Variants in MED1 observed in about 807,000 individuals in gnomAD.
The protein encoded by MED1 is mediator of RNA polymerase II transcription subunit 1.
Under a neutral mutation model 121.3 loss-of-function variants are expected in MED1, and 17 were observed. The ratio of observed to expected loss-of-function variants is 0.14; its 90% CI spans 0.10 to 0.21. The LOEUF (loss-of-function observed/expected upper bound fraction) is 0.21, where lower values mean the gene tolerates loss of function less well. Among genes scored for constraint, MED1 ranks in the 10% least tolerant of loss-of-function variants. The pLI is 1.00. For missense variants in MED1, 1,558 were observed against 1,919.4 expected (o/e 0.81, Z 3.52); for synonymous variants, 661 against 694.4 (o/e 0.95, Z 0.76).
chr17:39,408,498 A>G lies in MED1; in HGVS notation c.3723T>C (p.Ser1241=), dbSNP rs748419185. 1.9e-6 allele frequency: 3 copies of G among 1,614,242 alleles called. No homozygotes were observed. The highest frequency in any genetic ancestry group is 1.7e-5 in the Admixed American group (1 of 60,026). The change falls in exon 17 of 17, where the codon TCT becomes TCC. Residue 1241 remains serine, a synonymous_variant. Coordinates refer to ENST00000300651, the MANE Select transcript of MED1 (RefSeq NM_004774.4). The surrounding 1 kb of genome is among the most constrained non-coding windows in gnomAD (Gnocchi z 4.7). ...GSHMSGTSSS[S]GMKSSSGLGS... Reference sequence around the variant, plus strand: ...CTAACCCTGAAGATGACTTCATGCCAGAGCTTGAACTAGTTCCAGACATAT... The same window carrying G: ...CTAACCCTGAAGATGACTTCATGCCGGAGCTTGAACTAGTTCCAGACATAT...
chr17:39,432,294 G>C (rs1239250737), intron 7 of MED1, among the ~76,000 whole-genome samples: 1 of 125,464 alleles, frequency 8.0e-6, no homozygotes, highest in Non-Finnish European at 1.6e-5. Flanking sequence ...AGTGAGCCAA[G>C]ATCATACCAC....
chr17:39,446,064 G>A (rs544568812), intron 2 of MED1, among the ~76,000 whole-genome samples: 179 of 150,894 alleles, frequency 1.2e-3, no homozygotes, highest in African/African-American at 4.0e-3. Flanking sequence ...CGCCAGGCAC[G>A]GTGGCTCACA....
chr17:39,423,324 T>C lies in MED1; in HGVS notation c.1095+3A>G, dbSNP rs771618754. On this transcript the variant is annotated splice_donor_region_variant and intron_variant, in intron 13 of 16. Coordinates refer to ENST00000300651, the MANE Select transcript of MED1 (RefSeq NM_004774.4). ...CATTCTAGCTCCCTAGGGCTTTACT[T>C]ACAGCATAAAATCTCATGTTGTGAT... 3 of 1,583,846 alleles carry C rather than the reference T, an allele frequency of 1.9e-6. No homozygotes were observed. Among genetic ancestry groups the C allele is most frequent in the East Asian group, 2.2e-5 (1 of 44,724 alleles).
chr17:39,440,769 C>G lies in MED1; in HGVS notation c.212-92G>C. 1 of 1,227,452 alleles carries G rather than the reference C, an allele frequency of 8.1e-7. No individual in the cohort carries two copies. The highest frequency in any genetic ancestry group is 1.3e-5 in the South Asian group (1 of 76,938). The allele number at this position is 1,227,452 out of a possible 1,614,324, so 76.0% of individuals were successfully genotyped here. ...ACAGAAAGATTCATCCTTCCAAAAC[C>G]GTAAACATATTCAGTAGTTCAAATG... On this transcript the variant is annotated intron_variant, in intron 3 of 16. Coordinates refer to ENST00000300651, the MANE Select transcript of MED1 (RefSeq NM_004774.4). This position sits in a 1 kb window ranked among gnomAD's most constrained non-coding sequence, Gnocchi z 4.1.
chr17:39,421,047 C>T (rs1224845219), intron 13 of MED1, among the ~76,000 whole-genome samples: 4 of 151,188 alleles, frequency 2.6e-5, no homozygotes, highest in African/African-American at 4.9e-5. Flanking sequence ...CTGCCCGCCT[C>T]GGCCTCCCAA....
rs530435627 is a variant in MED1 at position 39,450,921 on chromosome 17, C to G, written c.25+117G>C. 1.0e-5 allele frequency: 8 copies of G among 795,526 alleles called. No homozygotes were observed. The Admixed American group carries it at 1.0e-4, about 10-fold the overall frequency. The allele number at this position is 795,526 out of a possible 1,614,324, so 49.3% of individuals were successfully genotyped here. A position where few individuals can be genotyped will look rare whatever the true frequency, so the allele number is the denominator to read the frequency against. ...ACAATCTAAAACTAATACACATTCC[C>G]TCTCCTGGACTCTATGCCCCTAAAG... On this transcript the variant is annotated intron_variant, in intron 1 of 16. Transcript: ENST00000300651.
chr17:39,447,858 A>C lies in MED1; in HGVS notation c.72T>G (p.His24Gln). The C allele has an allele frequency of 6.2e-7, 1 of 1,613,888 alleles. No homozygotes were observed. Among genetic ancestry groups the C allele is most frequent in the Non-Finnish European group, 8.5e-7 (1 of 1,179,852 alleles). ...SKMSSLLERL[H>Q]AKFNQNRPWS... ...AGGGTCTATTTTGGTTAAATTTTGC[A>C]TGGAGCCGTTCCAGGAGAGAACTCA... The change falls in exon 2 of 17, where the codon CAT (histidine) becomes CAG (glutamine). Residue 24 changes from histidine (H) to glutamine (Q), a missense_variant. Around this residue, in one of 5 missense-constraint regions of MED1, gnomAD observed 443 missense variants for 532.4 expected, o/e 0.83. Transcript: ENST00000300651.
intron 6 of MED1, among the ~76,000 whole-genome samples, chr17:39,435,168 A>T (rs2048606830): frequency 6.6e-6 from 1 of 152,078 alleles, no homozygotes; most frequent in Admixed American, 6.6e-5. Context: ...ACTGTGTGTC[A>T]AAAAAAGAAA....
At position 39,410,253 on chromosome 17, in the gene MED1, A is replaced by C; in HGVS notation, c.1968T>G (p.Asp656Glu). ...GGCTGCTTCCATAAAGGGTTGAGAA[A>C]TCCTGGGCAGGATTATCTTTAAGAA... is the stretch of plus-strand genomic sequence containing the variant. ...MNLLKDNPAQ[D>E]FSTLYGSSPL... Residue 656 changes from aspartate (D) to glutamate (E), a missense_variant, in exon 17 of 17, where the codon GAT (aspartate) becomes GAG (glutamate). By Grantham distance (45) the Asp-to-Glu change is conservative. This residue lies in a region of MED1 where 793 missense variants were observed against 898.2 expected (regional missense o/e 0.88). Transcript: ENST00000300651. 1.2e-6 allele frequency: 2 copies of C among 1,613,550 alleles called. No homozygotes were observed. The highest frequency in any genetic ancestry group is 1.7e-6 in the Non-Finnish European group (2 of 1,179,930).
At position 39,409,776 on chromosome 17, in the gene MED1, A is replaced by C. The variant is rs1266606019; in HGVS notation, c.2445T>G (p.His815Gln). Residue 815 changes from histidine to glutamine, a missense_variant, in exon 17 of 17, where the codon CAT becomes CAG. By Grantham distance (24) the His-to-Gln change is conservative (BLOSUM62 0). This residue lies in a region of MED1 where 793 missense variants were observed against 898.2 expected (regional missense o/e 0.88). Coordinates refer to ENST00000300651, the MANE Select transcript of MED1 (RefSeq NM_004774.4). ...TPLRDSSSSG[H>Q]SQSTLFDSDV... Reference sequence around the variant, plus strand: ...CAGAGTCAAACAGGGTACTCTGAGAATGCCCAGAGCTTGAAGAATCTCGAA... The same window carrying C: ...CAGAGTCAAACAGGGTACTCTGAGACTGCCCAGAGCTTGAAGAATCTCGAA... 1.2e-6 allele frequency: 2 copies of C among 1,614,200 alleles called. No individual in the cohort carries two copies. Among genetic ancestry groups the C allele is most frequent in the Non-Finnish European group, 1.7e-6 (2 of 1,180,022 alleles).
chr17:39,434,896 G>C (rs12452880), intron 6 of MED1, among the ~76,000 whole-genome samples: 94,177 of 152,058 alleles, frequency 0.62, 32,306 homozygotes, highest in South Asian at 0.89. Flanking sequence ...GCCAGGCACA[G>C]TCCTCGCGCC....
At chr17:39,433,312 T>C (rs1024544101) in intron 7 of MED1, among the ~76,000 whole-genome samples, 4 of 150,244 alleles carry the variant, frequency 2.7e-5, no homozygotes, top group African/African-American at 4.9e-5. Flanking sequence ...GAGGCTGCAG[T>C]GAGCTGAGGT....
At chr17:39,414,643 T>A (rs1470386615) in intron 16 of MED1, among the ~76,000 whole-genome samples, 2 of 18,456 alleles carry the variant, frequency 1.1e-4, no homozygotes, top group Non-Finnish European at 3.3e-4. Flanking sequence ...CCTTTTTTTT[T>A]TTTTTTTTTT....
In MED1 at chr17:39,409,121, G is replaced by C. The variant is rs1309647613; in HGVS notation, c.3100C>G (p.Pro1034Ala). The C allele has an allele frequency of 6.2e-7, 1 of 1,614,048 alleles. No individual in the cohort carries two copies. The highest frequency in any genetic ancestry group is 8.5e-7 in the Non-Finnish European group (1 of 1,180,050). The change falls in exon 17 of 17, where the codon CCT (proline) becomes GCT (alanine). Residue 1034 changes from proline (P) to alanine (A), a missense_variant. This residue lies in a region of MED1 where 793 missense variants were observed against 898.2 expected (regional missense o/e 0.88). Coordinates refer to ENST00000300651, the MANE Select transcript of MED1 (RefSeq NM_004774.4). Reference protein sequence around the residue: ...HSSSNRPFTPPTSTGGSKSPG... With the variant: ...HSSSNRPFTPATSTGGSKSPG... ...GATTTAGATCCACCTGTACTGGTAG[G>C]TGGGGTAAAAGGTCTGTTAGAAGAA...
chr17:39,421,091 C>T (rs377751313), intron 13 of MED1, among the ~76,000 whole-genome samples: 74 of 151,368 alleles, frequency 4.9e-4, no homozygotes, highest in Admixed American at 1.6e-3. Flanking sequence ...CCACCGCTCC[C>T]GGCCACATCA....
At chr17:39,439,497 A>G (rs1451920422) in intron 5 of MED1, among the ~76,000 whole-genome samples, 1 of 152,222 alleles carries the variant, frequency 6.6e-6, no homozygotes, top group Non-Finnish European at 1.5e-5. Flanking sequence ...ATCTGGTTAC[A>G]CAGATTTTAC....
At chr17:39,439,011 AT>A (rs2048647052) in intron 6 of MED1, among the ~76,000 whole-genome samples, 153 bp downstream of exon 6, 1 of 152,206 alleles carries the variant, frequency 6.6e-6, no homozygotes, top group Non-Finnish European at 1.5e-5. Flanking sequence ...TGCTATGTCA[AT>A]TCAGGACGTG....
chr17:39,442,278 C>T (rs1038204107), intron 3 of MED1, among the ~76,000 whole-genome samples: 13 of 151,930 alleles, frequency 8.6e-5, no homozygotes, highest in African/African-American at 2.9e-4. Context: ...TCCATAAACA[C>T]CGTAAAAATC....
At chr17:39,431,297 G>A in intron 8 of MED1, 109 bp from the exon 9 acceptor site, 1 of 865,554 alleles carries the variant, frequency 1.2e-6, no homozygotes, top group East Asian at 2.7e-5. Flanking sequence ...TTTTTTTTGA[G>A]ACGGAGTTTC....
Sources: gnomAD v4.1 joint callset for allele counts (sites outside exome capture counted in the v4.1 genomes callset) on GRCh38, gnomAD v4.1.1 for gene constraint, gnomAD v4.1.1 regional missense constraint, Gnocchi (gnomAD v3.1) non-coding constraint, MANE v1.5 for transcripts, NCBI Gene and HGNC (gene_info 2026-07-23, HGNC 2026-07-21) for gene names.